Variants in FARP1 observed in about 807,000 individuals in gnomAD.
The protein encoded by FARP1 is FERM, ARHGEF and pleckstrin domain-containing protein 1.
Under a neutral mutation model 128.8 loss-of-function variants are expected in FARP1, and 52 were observed. That is an observed-to-expected ratio of 0.40 (90% CI 0.32 to 0.51). The LOEUF (loss-of-function observed/expected upper bound fraction) is 0.51. FARP1 is among the 20% of genes least tolerant of loss of function. The pLI is 0.45. For synonymous variants in FARP1, 580 were observed against 551.8 expected (o/e 1.05, Z -0.72); for missense variants, 1,333 against 1,367.9 (o/e 0.97, Z 0.40).
At chr13:98,404,685 GA>G (rs574966714) in intron 13 of FARP1, 136 of 152,240 alleles carry the variant, frequency 8.9e-4, no homozygotes, top group African/African-American at 3.2e-3. Flanking sequence ...CAGAATAAAA[GA>G]AGACAAATTA....
chr13:98,196,292 T>G (rs539778201), intron 1 of FARP1, among the ~76,000 whole-genome samples: 7 of 152,254 alleles, frequency 4.6e-5, no homozygotes, highest in Admixed American at 1.3e-4. Flanking sequence ...GCATGGGAGT[T>G]GAGACCAAGC....
Position 98,364,034 on chromosome 13 carries a change from C to T in FARP1, c.277-1361C>T, listed in dbSNP as rs143862747. On this transcript the variant is annotated intron_variant, in intron 3 of 26. Transcript: ENST00000319562. Reference sequence around the variant, plus strand: ...GGATTAGAGGTGTCAGCCACCGCACCTGGCCTGTCTTTCGATTTTTAATGC... The same window carrying T: ...GGATTAGAGGTGTCAGCCACCGCACTTGGCCTGTCTTTCGATTTTTAATGC... Among the ~76,000 whole-genome samples, 1,015 of 152,344 alleles carry T rather than the reference C, an allele frequency of 6.7e-3. 11 individuals are homozygous for T. The highest frequency in any genetic ancestry group is 8.1e-3 in the Non-Finnish European group (550 of 68,038).
At chr13:98,344,669 T>C (rs1263515043) in intron 3 of FARP1, among the ~76,000 whole-genome samples, 2 of 152,080 alleles carry the variant, frequency 1.3e-5, no homozygotes, top group African/African-American at 4.8e-5. Context: ...GAAGAGAAGG[T>C]GGCCACAGGT....
intron 2 of FARP1, among the ~76,000 whole-genome samples, chr13:98,238,429 T>C (rs1594307815): frequency 6.6e-6 from 1 of 152,348 alleles, no homozygotes; most frequent in Non-Finnish European, 1.5e-5. Flanking sequence ...TATGTGTTAA[T>C]CGACTGTATT....
chr13:98,302,749 A>G (rs1413055374), intron 2 of FARP1, among the ~76,000 whole-genome samples: 1 of 152,232 alleles, frequency 6.6e-6, no homozygotes, highest in Non-Finnish European at 1.5e-5. Flanking sequence ...TCGATGAGGT[A>G]GCATGGTTGA....
chr13:98,305,483 G>A (rs1390875556), intron 2 of FARP1, among the ~76,000 whole-genome samples: 6 of 152,020 alleles, frequency 3.9e-5, no homozygotes, highest in Admixed American at 6.6e-5. Flanking sequence ...ACAGGCACCC[G>A]CCACCACGCC....
At chr13:98,399,775 G>C (rs9805856) in intron 13 of FARP1, 70,299 of 152,136 alleles carry the variant, frequency 0.46, 16,922 homozygotes, top group Non-Finnish European at 0.53. Context: ...TTGGCTACTC[G>C]AGGGCCTCCT....
At chr13:98,292,123 T>G (rs891508864) in intron 2 of FARP1, among the ~76,000 whole-genome samples, 12 of 152,244 alleles carry the variant, frequency 7.9e-5, no homozygotes, top group African/African-American at 2.9e-4. Flanking sequence ...GTGTGTGCCC[T>G]TAAGTGTGTT....
At chr13:98,427,422 C>G (rs1193498393) in intron 17 of FARP1, among the ~76,000 whole-genome samples, 1 of 152,230 alleles carries the variant, frequency 6.6e-6, no homozygotes, top group Non-Finnish European at 1.5e-5. Context: ...GGTTTCTCAG[C>G]TTTTCTCCCT....
chr13:98,280,155 CTTT>C (rs1566827900), intron 2 of FARP1, among the ~76,000 whole-genome samples: 1 of 152,226 alleles, frequency 6.6e-6, no homozygotes, highest in Admixed American at 6.5e-5. Context: ...GGAAATCCTT[CTTT>C]AACACACAAA....
intron 2 of FARP1, among the ~76,000 whole-genome samples, chr13:98,247,500 G>A (rs1883128662): frequency 6.6e-6 from 1 of 150,544 alleles, no homozygotes. Context: ...CAGCCCTGCT[G>A]GGGGAGTGGA....
intron 3 of FARP1, among the ~76,000 whole-genome samples, chr13:98,357,799 A>G (rs1474026547): frequency 6.6e-6 from 1 of 152,180 alleles, no homozygotes; most frequent in African/African-American, 2.4e-5. Context: ...CATATGCTGC[A>G]TACTTCTGTA....
At chr13:98,199,900 A>G (rs1227311739) in intron 1 of FARP1, among the ~76,000 whole-genome samples, 1 of 152,188 alleles carries the variant, frequency 6.6e-6, no homozygotes, top group African/African-American at 2.4e-5. Context: ...AGAAATTGAC[A>G]TCATTAGAAT....
At chr13:98,407,849 C>T (rs1400346451) in intron 13 of FARP1, among the ~76,000 whole-genome samples, 1 of 152,138 alleles carries the variant, frequency 6.6e-6, no homozygotes, top group African/African-American at 2.4e-5. Context: ...ATACTGGGAC[C>T]AAATTCACCG....
intron 2 of FARP1, among the ~76,000 whole-genome samples, chr13:98,305,403 C>T (rs1157753448): frequency 6.6e-5 from 10 of 151,996 alleles, no homozygotes; most frequent in Admixed American, 5.9e-4. Flanking sequence ...TCTCAGCTCA[C>T]CGCAGCCTCC....
chr13:98,399,666 C>T (rs1890685470), intron 13 of FARP1: 1 of 152,238 alleles, frequency 6.6e-6, no homozygotes. Context: ...GGACCCAGGC[C>T]TTCAGATACC....
At chr13:98,281,223 C>T (rs748779551) in intron 2 of FARP1, among the ~76,000 whole-genome samples, 8 of 152,004 alleles carry the variant, frequency 5.3e-5, no homozygotes, top group Non-Finnish European at 1.2e-4. Context: ...TGTGGTGGCA[C>T]GCACCTGTAA....
intron 16 of FARP1, among the ~76,000 whole-genome samples, chr13:98,413,785 G>A (rs369355309): frequency 2.0e-5 from 3 of 152,284 alleles, no homozygotes; most frequent in East Asian, 1.9e-4. Context: ...TCATAATGGG[G>A]TCAAAGACCT....
At chr13:98,228,885 TA>T (rs1393230443) in intron 2 of FARP1, among the ~76,000 whole-genome samples, 1 of 152,232 alleles carries the variant, frequency 6.6e-6, no homozygotes, top group Non-Finnish European at 1.5e-5. Context: ...AGATGTTCTT[TA>T]TTTTCTAGTA....
Sources: allele counts gnomAD v4.1 joint callset (sites outside exome capture counted in the v4.1 genomes callset), GRCh38; gene constraint gnomAD v4.1.1; transcripts MANE v1.5; gene names NCBI Gene and HGNC (gene_info 2026-07-23, HGNC 2026-07-21).